Variants in UNC13C observed in about 807,000 individuals in gnomAD.
The protein encoded by UNC13C is unc-13 homolog C, also known as protein unc-13 homolog C.
UNC13C carries 174 observed loss-of-function variants against 245.4 expected under a neutral mutation model. The observed-to-expected ratio is 0.71, with a 90% CI of 0.63 to 0.80. The LOEUF is 0.80. UNC13C is among the 30% of genes least tolerant of loss of function. The pLI is 0.00. For synonymous variants in UNC13C, 992 were observed against 895.1 expected, an observed-to-expected ratio of 1.11 and a Z score of -1.93; for missense variants, 2,829 against 2,602.9, an observed-to-expected ratio of 1.09 and a Z score of -1.89.
chr15:54,075,461 TG>T (rs1419646825), intron 2 of UNC13C, among the ~76,000 whole-genome samples: 5 of 139,786 alleles, frequency 3.6e-5, no homozygotes, highest in African/African-American at 1.4e-4. Context: ...GAGCTTGCAG[TG>T]AGCCGGAGCT....
intron 2 of UNC13C, among the ~76,000 whole-genome samples, chr15:54,057,307 A>G (rs540578887): frequency 4.0e-5 from 6 of 150,558 alleles, no homozygotes; most frequent in African/African-American, 1.5e-4. Context: ...CAGGGATTGC[A>G]ATCCTAGTCT....
At chr15:54,246,607 T>C (rs2035999089) in intron 7 of UNC13C, among the ~76,000 whole-genome samples, 1 of 152,166 alleles carries the variant, frequency 6.6e-6, no homozygotes, top group African/African-American at 2.4e-5. Context: ...TTAAAATACA[T>C]ATTTTTTAGA....
intron 10 of UNC13C, among the ~76,000 whole-genome samples, chr15:54,291,629 A>T (rs531733899): frequency 6.6e-6 from 1 of 152,076 alleles, no homozygotes; most frequent in African/African-American, 2.4e-5. Flanking sequence ...GCTATAAGGT[A>T]TTATCTACCA....
At chr15:54,551,503 G>C (rs74014212) in intron 28 of UNC13C, among the ~76,000 whole-genome samples, 12,908 of 151,804 alleles carry the variant, frequency 0.085, 1,458 homozygotes, top group African/African-American at 0.26. Context: ...TTCCCTAGAG[G>C]GTATATACAT....
intron 4 of UNC13C, among the ~76,000 whole-genome samples, chr15:54,204,522 A>C (rs2034648534): frequency 6.6e-6 from 1 of 151,978 alleles, no homozygotes; most frequent in Non-Finnish European, 1.5e-5. Context: ...GGATAACCAG[A>C]TATAAAGTAT....
intron 24 of UNC13C, among the ~76,000 whole-genome samples, chr15:54,524,174 A>G (rs1252637735): frequency 6.6e-6 from 1 of 150,628 alleles, no homozygotes; most frequent in East Asian, 1.9e-4. Context: ...AACTCTAGAA[A>G]GTATGAAGCT....
At chr15:54,141,275 T>C (rs531335544) in intron 2 of UNC13C, among the ~76,000 whole-genome samples, 64 of 152,308 alleles carry the variant, frequency 4.2e-4, no homozygotes, top group African/African-American at 1.5e-3. Flanking sequence ...TTACTAGATA[T>C]AAAATTATAA....
chr15:53,868,255 G>A, the UNC13C span, among the ~76,000 whole-genome samples: 4 of 152,194 alleles, frequency 2.6e-5, no homozygotes, highest in Non-Finnish European at 2.9e-5. Flanking sequence ...GGAGGACATT[G>A]CAATGCACTT....
At chr15:54,246,771 G>A (rs2036004089) in intron 7 of UNC13C, among the ~76,000 whole-genome samples, 3 of 151,410 alleles carry the variant, frequency 2.0e-5, no homozygotes, top group Admixed American at 1.3e-4. Flanking sequence ...GTGGGAGGAG[G>A]GAAAGCAGCA....
the UNC13C span, among the ~76,000 whole-genome samples, chr15:53,904,545 G>A: frequency 6.6e-6 from 1 of 151,970 alleles, no homozygotes; most frequent in Non-Finnish European, 1.5e-5. Context: ...TTGCCTCCAG[G>A]TCATGAGGGA....
Position 54,015,378 on chromosome 15 carries a change from T to C in UNC13C, c.2475T>C (p.Ser825=). The C allele has an allele frequency of 6.2e-7, 1 of 1,613,850 alleles. No homozygotes were observed. The highest frequency in any genetic ancestry group is 8.5e-7 in the Non-Finnish European group (1 of 1,179,850). ...AGAGTCTGAGTGGGTATGAGGACAG[T>C]GGCTCTTCATTAATGGGGAGATTTC... ...STQSLSGYED[S]GSSLMGRFRT... Residue 825 remains serine (S), a synonymous_variant, in exon 2 of 33, where the codon AGT becomes AGC. Coordinates refer to ENST00000260323, the MANE Select transcript of UNC13C (RefSeq NM_001080534.3).
chr15:54,015,584 G>A lies in UNC13C; in HGVS notation c.2681G>A (p.Ser894Asn), dbSNP rs200592386. Residue 894 changes from serine (S) to asparagine (N), a missense_variant, in exon 2 of 33, where the codon AGT becomes AAT. Ser to Asn is a conservative substitution (Grantham distance 46). Coordinates refer to ENST00000260323, the MANE Select transcript of UNC13C (RefSeq NM_001080534.3). Reference protein sequence around the residue: ...QVLAKLENRTSITETDEQMQA... With the variant: ...QVLAKLENRTNITETDEQMQA... ...CTTGCTAAACTAGAAAACAGGACTA[G>A]TATTACTGAAACAGATGAACAAATG... 5.6e-6 allele frequency: 9 copies of A among 1,613,800 alleles called. No individual in the cohort carries two copies. Among genetic ancestry groups the A allele is most frequent in the East Asian group, 2.2e-5 (1 of 44,862 alleles).
chr15:54,087,244 G>A (rs1346375229), intron 2 of UNC13C, among the ~76,000 whole-genome samples: 1 of 152,010 alleles, frequency 6.6e-6, no homozygotes, highest in African/African-American at 2.4e-5. Flanking sequence ...AAATCAAAGA[G>A]TCTTAAAATT....
At chr15:54,251,586 C>T (rs2036154050) in intron 8 of UNC13C, among the ~76,000 whole-genome samples, 1 of 152,182 alleles carries the variant, frequency 6.6e-6, no homozygotes, top group Non-Finnish European at 1.5e-5. Context: ...GCTAATGCAT[C>T]ACATTGTAAA....
the UNC13C span, among the ~76,000 whole-genome samples, chr15:53,891,675 A>T: frequency 2.0e-5 from 3 of 151,948 alleles, no homozygotes; most frequent in Non-Finnish European, 4.4e-5. Flanking sequence ...TGAGATTAGG[A>T]TTGCAACTCC....
intron 2 of UNC13C, among the ~76,000 whole-genome samples, chr15:54,054,295 G>C (rs1007632350): frequency 6.6e-6 from 1 of 152,054 alleles, no homozygotes; most frequent in African/African-American, 2.4e-5. Context: ...TTCTGTATTA[G>C]TATCCATCCC....
intron 30 of UNC13C, among the ~76,000 whole-genome samples, chr15:54,615,961 A>T (rs1326392315): frequency 6.6e-6 from 1 of 152,066 alleles, no homozygotes; most frequent in Non-Finnish European, 1.5e-5. Flanking sequence ...AAACAAAAAG[A>T]CTGGACCAAA....
chr15:54,144,090 C>G (rs1474498394), intron 4 of UNC13C, among the ~76,000 whole-genome samples: 2 of 152,094 alleles, frequency 1.3e-5, no homozygotes, highest in Non-Finnish European at 2.9e-5. Flanking sequence ...TGAATATAAT[C>G]TATACTATTA....
rs1235317911 is a variant in UNC13C at position 54,455,202 on chromosome 15, T to C, written c.4934-39406T>C. On this transcript the variant is annotated intron_variant, in intron 19 of 32. Coordinates refer to ENST00000260323, the MANE Select transcript of UNC13C (RefSeq NM_001080534.3). ...CTCTCTCTCTCTCTCTCTCTCTCTC[T>C]CTCTATATATATATATATATATATA... 5.8e-4 allele frequency among the ~76,000 whole-genome samples: 35 copies of C among 60,290 alleles called. 1 individual carries two copies. Among genetic ancestry groups the C allele is most frequent in the South Asian group, 1.7e-3 (2 of 1,162 alleles). The allele number at this position is 60,290 out of a possible 152,430, so 39.6% of individuals were successfully genotyped here.
Sources: gnomAD v4.1 joint callset for allele counts (sites outside exome capture counted in the v4.1 genomes callset) on GRCh38, gnomAD v4.1.1 for gene constraint, MANE v1.5 for transcripts, NCBI Gene and HGNC (gene_info 2026-07-23, HGNC 2026-07-21) for gene names.